PURG: variants seen among roughly 807,000 people sequenced by gnomAD.
PURG encodes purine-rich element-binding protein gamma.
A neutral mutation model predicts 24.3 loss-of-function variants in PURG; 3 were observed. The ratio of observed to expected loss-of-function variants is 0.12; its 90% CI spans 0.06 to 0.32. PURG has a LOEUF of 0.32. Among genes scored for constraint, PURG ranks in the 10% least tolerant of loss-of-function variants. The pLI is 1.00. For synonymous variants in PURG, 180 were observed against 173.1 expected, an observed-to-expected ratio of 1.04 and a Z score of -0.31; for missense variants, 371 against 439.1, an observed-to-expected ratio of 0.84 and a Z score of 1.39.
In PURG at chr8:31,009,733, C is replaced by G. The variant is rs533858540; in HGVS notation, c.865-13036G>C. On this transcript the variant is annotated intron_variant, in intron 1 of 1. Transcript: ENST00000339382. ...ATACTGCAGTGCTCTAGGGCCTTCA[C>G]TGTCAACAACTGTAATGATGGTACT... 5.3e-5 allele frequency among the ~76,000 whole-genome samples: 8 copies of G among 152,322 alleles called. No homozygotes were observed. In the South Asian group the frequency reaches 1.4e-3, roughly 28 times the overall value.
rs1183902195 is a variant in PURG, at chr8:31,030,892, T to C, written c.*847A>G. ...TTTGGGGAAGAAACCTCTTGCAATC[T>C]TTAAATTAGCATGAAAAGCTACACC... On this transcript the variant is annotated 3_prime_UTR_variant, in exon 2 of 2. Transcript: ENST00000523392. 1 of 152,248 alleles carries C rather than the reference T, an allele frequency of 6.6e-6. No homozygotes were observed. The highest frequency in any genetic ancestry group is 1.9e-4 in the East Asian group (1 of 5,194). 9.4% of individuals were successfully genotyped at this position (152,248 alleles called of 1,614,324 possible).
chr8:31,027,836 C>T (rs567683528), downstream of PURG, among the ~76,000 whole-genome samples: 13 of 151,562 alleles, frequency 8.6e-5, no homozygotes, highest in Non-Finnish European at 1.6e-4. Flanking sequence ...ACACTAAATC[C>T]CCCAATACCC....
At chr8:31,012,545 C>G (rs991545633) in intron 1 of PURG, among the ~76,000 whole-genome samples, 1 of 152,050 alleles carries the variant, frequency 6.6e-6, no homozygotes, top group Non-Finnish European at 1.5e-5. Flanking sequence ...GAGACGAAAC[C>G]AAGGGGAGTG....
intron 1 of PURG, among the ~76,000 whole-genome samples, chr8:30,998,379 G>C (rs1422725815): frequency 6.6e-6 from 1 of 151,718 alleles, no homozygotes; most frequent in East Asian, 1.9e-4. Flanking sequence ...TAATTTAAGG[G>C]ATTTTTGACA....
intron 1 of PURG, among the ~76,000 whole-genome samples, chr8:31,008,121 A>T (rs375693936): frequency 2.0e-5 from 3 of 152,188 alleles, no homozygotes; most frequent in East Asian, 3.8e-4. Flanking sequence ...CAGCTGCTAC[A>T]CCTAAAGGTT....
At chr8:31,028,221 C>G (rs1811125753), downstream of PURG, among the ~76,000 whole-genome samples, 1 of 151,770 alleles carries the variant, frequency 6.6e-6, no homozygotes. Flanking sequence ...CAAATGTGAA[C>G]TCTACTTTAA....
At chr8:31,025,199 C>T (rs931121794) in intron 1 of PURG, among the ~76,000 whole-genome samples, 3 of 151,566 alleles carry the variant, frequency 2.0e-5, no homozygotes, top group Non-Finnish European at 3.0e-5. Flanking sequence ...TATAATTTAC[C>T]AGAAAGCACC....
At chr8:31,022,020 G>A (rs1223094631) in intron 1 of PURG, among the ~76,000 whole-genome samples, 1 of 151,208 alleles carries the variant, frequency 6.6e-6, no homozygotes, top group Middle Eastern at 3.4e-3. Context: ...GCCCAGGCAG[G>A]AGTGCAGTGG....
At chr8:31,004,586 G>A (rs1277195828) in intron 1 of PURG, among the ~76,000 whole-genome samples, 1 of 152,106 alleles carries the variant, frequency 6.6e-6, no homozygotes, top group African/African-American at 2.4e-5. Context: ...AGAATTGCTT[G>A]AACCAGGGAG....
At chr8:30,999,394 ATT>A (rs1810492077) in intron 1 of PURG, among the ~76,000 whole-genome samples, 3 of 151,934 alleles carry the variant, frequency 2.0e-5, no homozygotes, top group African/African-American at 7.2e-5. Flanking sequence ...CACTGGATTA[ATT>A]TTAAATGGTT....
At chr8:31,030,076 A>G (rs1471325538), downstream of PURG, among the ~76,000 whole-genome samples, 4 of 151,986 alleles carry the variant, frequency 2.6e-5, no homozygotes, top group African/African-American at 7.2e-5. Context: ...AGTAACATAA[A>G]CCAATGAAAT....
At chr8:31,019,114 ACT>A in intron 1 of PURG, among the ~76,000 whole-genome samples, 1 of 92,624 alleles carries the variant, frequency 1.1e-5, no homozygotes, top group African/African-American at 4.3e-5. Flanking sequence ...ACAGAGCGAG[ACT>A]CTGTCTCAAA....
At chr8:30,996,583 G>T (rs767845296) in exon 2 of PURG, 8 of 1,580,300 alleles carry the variant, frequency 5.1e-6, no homozygotes, top group South Asian at 2.2e-5. Context: ...TAACATAAGA[G>T]ATTTATTCCT....
At chr8:31,013,220 A>T (rs138164147) in intron 1 of PURG, among the ~76,000 whole-genome samples, 14 of 152,352 alleles carry the variant, frequency 9.2e-5, no homozygotes, top group Non-Finnish European at 1.8e-4. Context: ...ATGGTGATCA[A>T]CAAACCAAAT....
At chr8:30,996,842 T>A in intron 1 of PURG, 1 of 644,108 alleles carries the variant, frequency 1.6e-6, no homozygotes, top group Non-Finnish European at 2.6e-6. Context: ...TTTAGTTGTG[T>A]CTAGGCCAAT....
chr8:31,003,293 C>T lies in PURG; in HGVS notation c.865-6596G>A, dbSNP rs140381587. ...TCGTAGGTGAAAGAAATAAGAAAAG[C>T]GAATGAGAAATATTTCAAGAACGGG... On this transcript the variant is annotated intron_variant, in intron 1 of 1. Transcript: ENST00000339382. Among the ~76,000 whole-genome samples, 1,321 of 152,104 alleles carry T rather than the reference C, an allele frequency of 8.7e-3. 15 individuals are homozygous for T. The highest frequency in any genetic ancestry group is 0.03 in the African/African-American group (1,242 of 41,474).
chr8:31,031,904 T>C lies in PURG; in HGVS notation c.879A>G (p.Arg293=), dbSNP rs760254107. ...CAGTAATAGTATTACGGTAAGGTGGTCTCACCTCACTTACCTTCAGGAAAA... is the reference window on the plus strand; with the variant it reads ...CAGTAATAGTATTACGGTAAGGTGGCCTCACCTCACTTACCTTCAGGAAAA... The part of the protein sequence containing the change: ...YGIFLKVSEV[R]PPYRNTITVP... The change falls in exon 2 of 2, where the codon AGA becomes AGG. Residue 293 remains arginine, a synonymous_variant. Transcript: ENST00000523392. The C allele has an allele frequency of 1.9e-6, 3 of 1,613,998 alleles. No individual in the cohort carries two copies. The highest frequency in any genetic ancestry group is 1.7e-6 in the Non-Finnish European group (2 of 1,180,014).
chr8:31,009,382 T>C (rs979999059), intron 1 of PURG, among the ~76,000 whole-genome samples: 13 of 152,204 alleles, frequency 8.5e-5, no homozygotes, highest in Middle Eastern at 3.4e-3. Context: ...GCTGAGATCG[T>C]GCCACTGCAC....
intron 1 of PURG, among the ~76,000 whole-genome samples, chr8:31,018,856 G>A (rs1373272678): frequency 6.6e-6 from 1 of 151,818 alleles, no homozygotes; most frequent in East Asian, 1.9e-4. Context: ...ATATTATATA[G>A]ATTTAGACAT....
Sources: gnomAD v4.1 joint callset for allele counts (sites outside exome capture counted in the v4.1 genomes callset) on GRCh38, gnomAD v4.1.1 for gene constraint, MANE v1.5 for transcripts, NCBI Gene and HGNC (gene_info 2026-07-23, HGNC 2026-07-21) for gene names.